SERPINA6: variants seen among roughly 807,000 people sequenced by gnomAD.
SERPINA6 encodes the protein serpin family A member 6.
SERPINA6 carries 19 observed loss-of-function variants against 26.4 expected under a neutral mutation model. That is an observed-to-expected ratio of 0.72 (90% CI 0.50 to 1.06). SERPINA6 has a LOEUF of 1.06. Ranked by LOEUF, SERPINA6 falls within the 50% of genes least tolerant of loss-of-function variation. The pLI is 0.00. For missense variants in SERPINA6, 473 were observed against 504.0 expected (o/e 0.94, Z 0.59); for synonymous variants, 196 against 199.4 (o/e 0.98, Z 0.14).
At position 94,314,325 on chromosome 14, in the gene SERPINA6, A is replaced by G; in HGVS notation, c.324T>C (p.Gly108=). The change falls in exon 2 of 5, where the codon GGT becomes GGC. Residue 108 remains glycine (G), a synonymous_variant. Coordinates refer to ENST00000341584, the MANE Select transcript of SERPINA6 (RefSeq NM_001756.4). ...TERSETEIHQ[G]FQHLHQLFAK... ...CAAAGAGTTGGTGCAGGTGCTGGAAACCCTGGTGGATCTCAGTCTCAGACC... is the reference window on the plus strand; with the variant it reads ...CAAAGAGTTGGTGCAGGTGCTGGAAGCCCTGGTGGATCTCAGTCTCAGACC... 2 of 1,614,110 alleles carry G rather than the reference A, an allele frequency of 1.2e-6. No homozygotes were observed. Among genetic ancestry groups the G allele is most frequent in the Non-Finnish European group, 1.7e-6 (2 of 1,180,020 alleles).
chr14:94,306,125 G>A lies in SERPINA6; in HGVS notation c.978C>T (p.Thr326=), dbSNP rs2139714356. Residue 326 remains threonine, a synonymous_variant, in exon 4 of 5, where the codon ACC becomes ACT. Transcript: ENST00000341584. ...LEEMGIADLF[T]NQANFSRITQ... ...TGATGCGTGAGAAATTTGCCTGGTTGGTGAACAAGTCTGCAATGCCCATTT... is the reference window on the plus strand; with the variant it reads ...TGATGCGTGAGAAATTTGCCTGGTTAGTGAACAAGTCTGCAATGCCCATTT... 1 of 1,614,194 alleles carries A rather than the reference G, an allele frequency of 6.2e-7. No individual in the cohort carries two copies. The highest frequency in any genetic ancestry group is 8.5e-7 in the Non-Finnish European group (1 of 1,180,020).
chr14:94,321,879 C>T (rs1021490526), intron 1 of SERPINA6, among the ~76,000 whole-genome samples: 10 of 152,162 alleles, frequency 6.6e-5, no homozygotes, highest in African/African-American at 2.4e-4. Flanking sequence ...CGGTATGATG[C>T]CAATGGTAGG....
At chr14:94,322,700 T>C (rs1186296980) in intron 1 of SERPINA6, among the ~76,000 whole-genome samples, 1 of 152,232 alleles carries the variant, frequency 6.6e-6, no homozygotes, top group Non-Finnish European at 1.5e-5. Flanking sequence ...GTTCTTGACC[T>C]TCTGTAGTGA....
rs149012523 is a variant in SERPINA6 at position 94,304,503 on chromosome 14, C to G, written c.1133G>C (p.Arg378Pro). The G allele has an allele frequency of 1.2e-6, 2 of 1,614,128 alleles. No individual in the cohort carries two copies. Residue 378 changes from arginine to proline, a missense_variant, in exon 5 of 5, where the codon CGT (arginine) becomes CCT (proline). Physicochemically the swap from Arg to Pro is moderately radical, Grantham distance 103. Transcript: ENST00000341584. ...LNLTSKPIIL[R>P]FNQPFIIMIF... is the part of the protein sequence containing the mutation. ...CATGATGATGAAGGGCTGGTTGAAA[C>G]GCAAGATGATAGGCTTGGACGTCAG...
chr14:94,319,927 T>C (rs1895660721), intron 1 of SERPINA6, among the ~76,000 whole-genome samples: 1 of 152,172 alleles, frequency 6.6e-6, no homozygotes, highest in Non-Finnish European at 1.5e-5. Context: ...TGTATGCTTG[T>C]AGTTAAAACG....
At chr14:94,316,351 T>C (rs1204655387) in intron 1 of SERPINA6, among the ~76,000 whole-genome samples, 1 of 152,210 alleles carries the variant, frequency 6.6e-6, no homozygotes, top group Non-Finnish European at 1.5e-5. Flanking sequence ...TGTAGGGTGT[T>C]CTGTATAGGT....
At chr14:94,312,973 C>T (rs183998362) in intron 2 of SERPINA6, among the ~76,000 whole-genome samples, 10 of 152,294 alleles carry the variant, frequency 6.6e-5, no homozygotes, top group Admixed American at 2.6e-4. Context: ...ACCTGCATTC[C>T]TTTGAATATG....
chr14:94,309,373 G>T (rs1895492157), intron 3 of SERPINA6, among the ~76,000 whole-genome samples: 1 of 152,104 alleles, frequency 6.6e-6, no homozygotes, highest in South Asian at 2.1e-4. Flanking sequence ...AGCAGGGCGT[G>T]GTTTCAGGTA....
rs1203867726 is a variant in SERPINA6 at position 94,314,456 on chromosome 14, T to C, written c.193A>G (p.Ile65Val). 20 of 1,614,030 alleles carry C rather than the reference T, an allele frequency of 1.2e-5. No homozygotes were observed. The highest frequency in any genetic ancestry group is 1.7e-5 in the Admixed American group (1 of 60,002). The change falls in exon 2 of 5, where the codon ATC (isoleucine) becomes GTC (valine). Residue 65 changes from isoleucine (I) to valine (V), a missense_variant. Coordinates refer to ENST00000341584, the MANE Select transcript of SERPINA6 (RefSeq NM_001756.4). Reference protein sequence around the residue: ...VALSPKKNIFISPVSISMALA... With the variant: ...VALSPKKNIFVSPVSISMALA... ...GCCATGGAGATGCTCACAGGGGAGA[T>C]GAAAATGTTCTTTTTGGGACTCAAG...
At chr14:94,317,740 C>T (rs1315631863) in intron 1 of SERPINA6, among the ~76,000 whole-genome samples, 1 of 152,132 alleles carries the variant, frequency 6.6e-6, no homozygotes, top group Non-Finnish European at 1.5e-5. Flanking sequence ...ATTTATAAAA[C>T]CTTTTATACT....
rs117171767 is a variant in SERPINA6 at position 94,311,055 on chromosome 14, C to T, written c.614-1049G>A. 2.9e-3 allele frequency among the ~76,000 whole-genome samples: 445 copies of T among 152,310 alleles called. 6 individuals carry two copies. The South Asian group carries it at 0.053, about 18-fold the overall frequency. ...TTCTTGGTTCTAAGCCAGCCACAAA[C>T]CTTTTGTAATAGCTACTTATGGAGA... On this transcript the variant is annotated intron_variant, in intron 2 of 4. Coordinates refer to ENST00000341584, the MANE Select transcript of SERPINA6 (RefSeq NM_001756.4).
chr14:94,309,954 A>G lies in SERPINA6; in HGVS notation c.666T>C (p.Tyr222=). The change falls in exon 3 of 5, where the codon TAT becomes TAC. Residue 222 remains tyrosine (Y), a synonymous_variant. Transcript: ENST00000341584. ...CCTTCACCACAGTTGTCTCGTCCAC[A>G]TAGAAGTTCTCCTCCCTGGTGCTTG... The part of the protein sequence containing the change: ...DLASTREENF[Y]VDETTVVKVP... The G allele has an allele frequency of 1.9e-6, 3 of 1,614,158 alleles. No individual in the cohort carries two copies. The highest frequency in any genetic ancestry group is 2.5e-6 in the Non-Finnish European group (3 of 1,180,034).
chr14:94,309,328 T>G (rs1450797352), intron 3 of SERPINA6, among the ~76,000 whole-genome samples: 1 of 152,222 alleles, frequency 6.6e-6, no homozygotes, highest in Non-Finnish European at 1.5e-5. Context: ...ATTATCATTT[T>G]CATTATATTT....
intron 2 of SERPINA6, among the ~76,000 whole-genome samples, chr14:94,311,784 A>C (rs1595574143): frequency 6.6e-6 from 1 of 152,006 alleles, no homozygotes; most frequent in African/African-American, 2.4e-5. Flanking sequence ...CTAAAAATAC[A>C]AAAAAATAAA....
At chr14:94,308,832 C>T (rs1895480348) in intron 3 of SERPINA6, among the ~76,000 whole-genome samples, 1 of 152,212 alleles carries the variant, frequency 6.6e-6, no homozygotes, top group Non-Finnish European at 1.5e-5. Flanking sequence ...CTCATGCATC[C>T]ATTTACTTAT....
At chr14:94,317,776 C>T (rs1474066009) in intron 1 of SERPINA6, among the ~76,000 whole-genome samples, 1 of 152,180 alleles carries the variant, frequency 6.6e-6, no homozygotes, top group African/African-American at 2.4e-5. Flanking sequence ...GAAAGCTTTT[C>T]CCCGAAGATC....
chr14:94,321,646 C>G (rs1170175836), intron 1 of SERPINA6, among the ~76,000 whole-genome samples: 2 of 152,232 alleles, frequency 1.3e-5, no homozygotes, highest in Non-Finnish European at 2.9e-5. Context: ...GGATCTGCCT[C>G]AGTCCTGCCT....
Position 94,313,954 on chromosome 14 carries a change from C to T in SERPINA6, c.613+82G>A. On this transcript the variant is annotated intron_variant, in intron 2 of 4. Coordinates refer to ENST00000341584, the MANE Select transcript of SERPINA6 (RefSeq NM_001756.4). ...GTGCTTTACAGAATCAAAGACTTTG[C>T]CCAAGAGTGTGCCCTGGATTTTAGC... 3 of 1,484,414 alleles carry T rather than the reference C, an allele frequency of 2.0e-6. No homozygotes were observed. The East Asian group carries it at 6.8e-5, about 34-fold the overall frequency. The allele number at this position is 1,484,414 out of a possible 1,614,324, so 92.0% of individuals were successfully genotyped here. A position where few individuals can be genotyped will look rare whatever the true frequency, so the allele number is the denominator to read the frequency against.
At chr14:94,310,916 C>G (rs1445430424) in intron 2 of SERPINA6, among the ~76,000 whole-genome samples, 1 of 152,224 alleles carries the variant, frequency 6.6e-6, no homozygotes, top group Non-Finnish European at 1.5e-5. Flanking sequence ...CCCTGAAGCC[C>G]TTGCCAGGCC....
Sources: gnomAD v4.1 joint callset for allele counts (sites outside exome capture counted in the v4.1 genomes callset) on GRCh38, gnomAD v4.1.1 for gene constraint, MANE v1.5 for transcripts, NCBI Gene and HGNC (gene_info 2026-07-23, HGNC 2026-07-21) for gene names.